Variants in CDKL2 observed in about 807,000 individuals in gnomAD.
CDKL2 encodes cyclin dependent kinase like 2.
CDKL2 carries 64 observed loss-of-function variants against 63.9 expected under a neutral mutation model. That is an observed-to-expected ratio of 1.00 (90% CI 0.82 to 1.23). The LOEUF (loss-of-function observed/expected upper bound fraction) is 1.23, where lower values mean the gene tolerates loss of function less well. CDKL2 is among the 50% of genes most tolerant of loss of function. The pLI, the probability that CDKL2 is intolerant of heterozygous loss-of-function variation, is 0.00. For synonymous variants in CDKL2, 211 were observed against 229.2 expected (o/e 0.92, Z 0.72); for missense variants, 656 against 668.0 (o/e 0.98, Z 0.20).
At chr4:75,598,662 A>T (rs535932542) in intron 7 of CDKL2, among the ~76,000 whole-genome samples, 1 of 151,986 alleles carries the variant, frequency 6.6e-6, no homozygotes, top group South Asian at 2.1e-4. Flanking sequence ...GACTTCATTA[A>T]AGCCAAACTC....
chr4:75,613,931 C>G (rs964884520), intron 3 of CDKL2, among the ~76,000 whole-genome samples: 4 of 152,104 alleles, frequency 2.6e-5, no homozygotes, highest in African/African-American at 9.7e-5. Context: ...GTGGTGCATG[C>G]CTGTAATCCC....
chr4:75,621,972 C>T (rs1233063338), intron 2 of CDKL2, among the ~76,000 whole-genome samples: 1 of 151,986 alleles, frequency 6.6e-6, no homozygotes, highest in African/African-American at 2.4e-5. Context: ...TACATAGCAG[C>T]AATAACACAT....
Position 75,605,732 on chromosome 4 carries a change from A to G in CDKL2, c.543-98T>C, listed in dbSNP as rs958878718. ...GAGGTGATGCTCAAAGGAAATGCCA[A>G]CCAGAGCATTTCAGATTTCAGATTC... On this transcript the variant is annotated intron_variant, in intron 4 of 13. Coordinates refer to ENST00000307465, the MANE Select transcript of CDKL2 (RefSeq NM_001330724.2). 3.4e-4 allele frequency: 242 copies of G among 710,210 alleles called. 2 individuals carry two copies. Among genetic ancestry groups the G allele is most frequent in the South Asian group, 3.0e-3 (170 of 56,706 alleles). The allele number at this position is 710,210 out of a possible 1,614,324, so 44.0% of individuals were successfully genotyped here.
intron 2 of CDKL2, among the ~76,000 whole-genome samples, chr4:75,624,605 C>T (rs1171760777): frequency 6.6e-6 from 1 of 151,610 alleles, no homozygotes; most frequent in Non-Finnish European, 1.5e-5. Flanking sequence ...AATCCCAGCA[C>T]TTTGGGAGGC....
In CDKL2 at chr4:75,596,959, T is replaced by C. The variant is rs1274077218; in HGVS notation, c.1298A>G (p.Glu433Gly). ...CCTGTAACCCTGAATTGGTATAGTCTCAGTCCCCATTCCAGAATTAATGCT... is the reference window on the plus strand; with the variant it reads ...CCTGTAACCCTGAATTGGTATAGTCCCAGTCCCCATTCCAGAATTAATGCT... Reference protein sequence around the residue: ...APSINSGMGTETIPIQGYRVD... With the variant: ...APSINSGMGTGTIPIQGYRVD... The change falls in exon 9 of 14, where the codon GAG (glutamate) becomes GGG (glycine). Residue 433 changes from glutamate (E) to glycine (G), a missense_variant. By Grantham distance (98) the Glu-to-Gly change is moderately conservative (BLOSUM62 -2). Coordinates refer to ENST00000307465, the MANE Select transcript of CDKL2 (RefSeq NM_001330724.2). The C allele has an allele frequency of 6.2e-7, 1 of 1,613,974 alleles. No homozygotes were observed. The highest frequency in any genetic ancestry group is 8.5e-7 in the Non-Finnish European group (1 of 1,179,910).
chr4:75,619,257 TA>T (rs1730056156), intron 2 of CDKL2, among the ~76,000 whole-genome samples: 1 of 152,074 alleles, frequency 6.6e-6, no homozygotes, highest in African/African-American at 2.4e-5. Context: ...GGGATATGTT[TA>T]AACTAGCAAA....
chr4:75,603,293 CCCGG>C (rs1262521726), intron 6 of CDKL2, among the ~76,000 whole-genome samples: 1 of 151,458 alleles, frequency 6.6e-6, no homozygotes. Flanking sequence ...AGCCACCGCG[CCCGG>C]CCAATAAATG....
rs750353467 is a variant in CDKL2, at chr4:75,603,826, A to G, written c.786T>C (p.Asp262=). 2.7e-5 allele frequency: 43 copies of G among 1,603,640 alleles called. No homozygotes were observed. Among genetic ancestry groups the G allele is most frequent in the Non-Finnish European group, 3.3e-5 (39 of 1,177,424 alleles). The change falls in exon 6 of 14, where the codon GAT becomes GAC. Residue 262 remains aspartate (D), a synonymous_variant. Transcript: ENST00000307465. ...RYPKLSEVVI[D]LAKKCLHIDP... The stretch of plus-strand genomic sequence containing the variant: ...CAATAAGTATGATTACCTTTGCTAA[A>G]TCTATCACCACTTCAGAGAGCTTAG...
At chr4:75,587,846 G>A (rs1357931592) in intron 12 of CDKL2, among the ~76,000 whole-genome samples, 1 of 150,694 alleles carries the variant, frequency 6.6e-6, no homozygotes, top group Non-Finnish European at 1.5e-5. Flanking sequence ...AGAGCTTGCA[G>A]TGAGCCGAGA....
chr4:75,593,370 A>G (rs1224433775), intron 10 of CDKL2, among the ~76,000 whole-genome samples: 1 of 152,002 alleles, frequency 6.6e-6, no homozygotes. Flanking sequence ...GGGGGCATAA[A>G]GCATGGGAGA....
chr4:75,617,424 C>T (rs1475050023), intron 2 of CDKL2, among the ~76,000 whole-genome samples: 2 of 152,086 alleles, frequency 1.3e-5, no homozygotes, highest in East Asian at 3.9e-4. Context: ...GCTGAAGCAA[C>T]TAACTCACAC....
At chr4:75,588,450 T>C (rs2009832) in intron 12 of CDKL2, among the ~76,000 whole-genome samples, 60,901 of 151,868 alleles carry the variant, frequency 0.4, 12,952 homozygotes, top group African/African-American at 0.51. Flanking sequence ...GTAGCAGTAA[T>C]AGGAGTTTAG....
At chr4:75,610,762 GAATA>G (rs1323185428) in intron 3 of CDKL2, among the ~76,000 whole-genome samples, 2 of 152,034 alleles carry the variant, frequency 1.3e-5, no homozygotes, top group African/African-American at 4.8e-5. Flanking sequence ...ATATATTTGA[GAATA>G]AATGTTCTCA....
In CDKL2 at chr4:75,581,723, T is replaced by C. The variant is rs193299593; in HGVS notation, c.*23+87A>G. The C allele has an allele frequency of 6.0e-5, 40 of 666,096 alleles. No individual in the cohort carries two copies. In the Admixed American group the frequency reaches 6.3e-4, roughly 10 times the overall value. The allele number at this position is 666,096 out of a possible 1,614,324, so 41.3% of individuals were successfully genotyped here. A position where few individuals can be genotyped will look rare whatever the true frequency, so the allele number is the denominator to read the frequency against. ...TCATGGAATCAATCACTGGAGACGG[T>C]TTCAGCTGAAAAATTGGTATTCAGC... On this transcript the variant is annotated intron_variant, in intron 13 of 13. Coordinates refer to ENST00000307465, the MANE Select transcript of CDKL2 (RefSeq NM_001330724.2).
At chr4:75,627,416 C>T (rs1336823071) in intron 1 of CDKL2, among the ~76,000 whole-genome samples, 1 of 151,864 alleles carries the variant, frequency 6.6e-6, no homozygotes. Flanking sequence ...GGATTATAGG[C>T]GTGAGCCACC....
intron 12 of CDKL2, among the ~76,000 whole-genome samples, chr4:75,585,601 T>A (rs544793850): frequency 2.6e-5 from 4 of 151,512 alleles, no homozygotes; most frequent in East Asian, 1.9e-4. Flanking sequence ...TCTAAAAAAA[T>A]AATAATAAAA....
intron 12 of CDKL2, 21 bp downstream of exon 12, chr4:75,591,798 C>G: frequency 6.8e-7 from 1 of 1,472,190 alleles, no homozygotes; most frequent in Non-Finnish European, 9.2e-7. Flanking sequence ...TCTGTCCATC[C>G]TATAAAGAGT....
At position 75,597,016 on chromosome 4, in the gene CDKL2, G is replaced by C; in HGVS notation, c.1241C>G (p.Pro414Arg). Residue 414 changes from proline to arginine, a missense_variant, in exon 9 of 14, where the codon CCA (proline) becomes CGA (arginine). Pro to Arg is a moderately radical substitution (Grantham distance 103). Coordinates refer to ENST00000307465, the MANE Select transcript of CDKL2 (RefSeq NM_001330724.2). ...AACTGCAGAAAGATTGTGTGTAAGT[G>C]GGGGAATTGCCACGCTTGGATTCCT... ...HTRNPSVAIP[P>R]LTHNLSAVAP... is the part of the protein sequence containing the mutation. 1 of 1,614,188 alleles carries C rather than the reference G, an allele frequency of 6.2e-7. No homozygotes were observed. Among genetic ancestry groups the C allele is most frequent in the South Asian group, 1.1e-5 (1 of 91,074 alleles).
At chr4:75,616,391 A>T (rs1361760638) in intron 2 of CDKL2, among the ~76,000 whole-genome samples, 1 of 151,976 alleles carries the variant, frequency 6.6e-6, no homozygotes, top group Admixed American at 6.6e-5. Flanking sequence ...GGCCGGGCAC[A>T]GTGGCTCACA....
Sources: gnomAD v4.1 joint callset for allele counts (sites outside exome capture counted in the v4.1 genomes callset) on GRCh38, gnomAD v4.1.1 for gene constraint, MANE v1.5 for transcripts, NCBI Gene and HGNC (gene_info 2026-07-23, HGNC 2026-07-21) for gene names.